Variants in TUT7 observed in about 807,000 individuals in gnomAD.
TUT7 encodes terminal uridylyltransferase 7.
TUT7 carries 33 observed loss-of-function variants against 165.9 expected under a neutral mutation model. That is an observed-to-expected ratio of 0.20 (90% CI 0.15 to 0.27). TUT7 has a LOEUF of 0.27. TUT7 is among the 10% of genes least tolerant of loss of function. The pLI, the probability that TUT7 is intolerant of heterozygous loss-of-function variation, is 1.00. For synonymous variants in TUT7, 552 were observed against 608.1 expected, an observed-to-expected ratio of 0.91 and a Z score of 1.36; for missense variants, 1,338 against 1,762.3, an observed-to-expected ratio of 0.76 and a Z score of 4.31.
chr9:86,337,362 A>C, intron 10 of TUT7, 57 bp downstream of exon 10: 1 of 1,559,192 alleles, frequency 6.4e-7, no homozygotes, highest in Non-Finnish European at 8.7e-7. Context: ...GCAAAATTTA[A>C]TTGTGGACCT....
In TUT7 at chr9:86,346,476, G is replaced by C. The variant is rs151232839; in HGVS notation, c.525C>G (p.Asn175Lys). Residue 175 changes from asparagine to lysine, a missense_variant, in exon 3 of 27, where the codon AAC becomes AAG. Coordinates refer to ENST00000375963, the MANE Select transcript of TUT7 (RefSeq NM_024617.4). ...TCCTAGGTCTGGACCTCTGCTTCTT[G>C]TTTTCTTAAGGTGGGGGAAAAATAT... ...TSEMEAGSPE[N>K]KKQRSRPRKP... 1.2e-6 allele frequency: 2 copies of C among 1,609,560 alleles called. No homozygotes were observed. The highest frequency in any genetic ancestry group is 1.7e-6 in the Non-Finnish European group (2 of 1,178,590).
intron 5 of TUT7, among the ~76,000 whole-genome samples, chr9:86,344,588 CTTT>C (rs11390352): frequency 2.1e-5 from 3 of 141,728 alleles, no homozygotes; most frequent in Non-Finnish European, 1.5e-5. Flanking sequence ...TAAATAAAAT[CTTT>C]TTTTTTTTTT....
intron 2 of TUT7, among the ~76,000 whole-genome samples, chr9:86,352,405 T>C (rs554668671): frequency 5.9e-5 from 9 of 152,350 alleles, no homozygotes; most frequent in African/African-American, 2.2e-4. Context: ...TACCCTCTTC[T>C]GTAAAAAACA....
At chr9:86,313,646 G>C (rs734519) in intron 17 of TUT7, among the ~76,000 whole-genome samples, 67,421 of 152,006 alleles carry the variant, frequency 0.44, 15,167 homozygotes, top group Middle Eastern at 0.6. Flanking sequence ...ACTGAACCTA[G>C]TGTGGGTCAG....
At position 86,353,200 on chromosome 9, in the gene TUT7, G is replaced by A. The variant is rs372059911; in HGVS notation, c.-1C>T. On this transcript the variant is annotated 5_prime_UTR_variant, in exon 2 of 27. Coordinates refer to ENST00000375963, the MANE Select transcript of TUT7 (RefSeq NM_024617.4). ...AATAAGGTTTTGCTGTATCTCCCAT[G>A]GTCTTTGACTTCAATTTTCTTACTT... The A allele has an allele frequency of 8.4e-6, 13 of 1,553,298 alleles. No individual in the cohort carries two copies. The highest frequency in any genetic ancestry group is 3.5e-4 in the Middle Eastern group (2 of 5,770).
At position 86,323,835 on chromosome 9, in the gene TUT7, T is replaced by C. The variant is rs150985653; in HGVS notation, c.1915A>G (p.Ser639Gly). 1.1e-5 allele frequency: 17 copies of C among 1,614,090 alleles called. No homozygotes were observed. In the African/African-American group the frequency reaches 2.1e-4, roughly 20 times the overall value. ...FALPHKITKS[S>G]LLKPLNAITC... ...ATTGCATTCAGAGGCTTTAGAAGGCTGGATTTTGTAATTTTGTGTGGAAGA... is the reference window on the plus strand; with the variant it reads ...ATTGCATTCAGAGGCTTTAGAAGGCCGGATTTTGTAATTTTGTGTGGAAGA... Residue 639 changes from serine to glycine, a missense_variant, in exon 13 of 27, where the codon AGC becomes GGC. Physicochemically the swap from Ser to Gly is moderately conservative, Grantham distance 56. This residue lies in a region of TUT7 where 425 missense variants were observed against 474.9 expected (regional missense o/e 0.89). Coordinates refer to ENST00000375963, the MANE Select transcript of TUT7 (RefSeq NM_024617.4).
chr9:86,350,541 G>C (rs1461978422), intron 2 of TUT7, among the ~76,000 whole-genome samples: 1 of 152,210 alleles, frequency 6.6e-6, no homozygotes, highest in Non-Finnish European at 1.5e-5. Flanking sequence ...CAGGTCCAGC[G>C]AGGCTGAGTT....
chr9:86,335,083 T>C (rs1019365168), intron 10 of TUT7, among the ~76,000 whole-genome samples: 5 of 152,208 alleles, frequency 3.3e-5, no homozygotes, highest in African/African-American at 1.2e-4. Flanking sequence ...AACTTGACTT[T>C]CTACTGAAGG....
At chr9:86,319,533 T>C (rs1829033837) in intron 15 of TUT7, 51 bp downstream of exon 15, 1 of 1,298,884 alleles carries the variant, frequency 7.7e-7, no homozygotes, top group African/African-American at 1.5e-5. Context: ...TGAACTGATT[T>C]GGAAAAAAGG....
At chr9:86,318,852 A>G (rs928731725) in intron 16 of TUT7, 106 bp downstream of exon 16, 7 of 783,798 alleles carry the variant, frequency 8.9e-6, no homozygotes, top group South Asian at 3.5e-5. Context: ...AGCACACTCT[A>G]TATGGTATGC....
intron 26 of TUT7, among the ~76,000 whole-genome samples, chr9:86,299,289 C>T (rs1261750450): frequency 2.0e-5 from 3 of 152,164 alleles, no homozygotes; most frequent in Non-Finnish European, 4.4e-5. Context: ...AAGAAATTAG[C>T]ACTTTTTGTT....
At position 86,323,008 on chromosome 9, in the gene TUT7, A is replaced by C; in HGVS notation, c.2742T>G (p.His914Gln). ...KYEDVKECGK[H>Q]VERALLVELN... Reference sequence around the variant, plus strand: ...GTTCCACTAGGAGAGCTCTTTCTACATGTTTTCCACATTCTTTCACGTCTT... The same window carrying C: ...GTTCCACTAGGAGAGCTCTTTCTACCTGTTTTCCACATTCTTTCACGTCTT... The change falls in exon 13 of 27, where the codon CAT (histidine) becomes CAG (glutamine). Residue 914 changes from histidine to glutamine, a missense_variant. Coordinates refer to ENST00000375963, the MANE Select transcript of TUT7 (RefSeq NM_024617.4). 3 of 1,614,046 alleles carry C rather than the reference A, an allele frequency of 1.9e-6. No homozygotes were observed. The highest frequency in any genetic ancestry group is 2.5e-6 in the Non-Finnish European group (3 of 1,179,990).
Sources: gnomAD v4.1 joint callset for allele counts (sites outside exome capture counted in the v4.1 genomes callset) on GRCh38, gnomAD v4.1.1 for gene constraint, gnomAD v4.1.1 regional missense constraint, MANE v1.5 for transcripts, NCBI Gene and HGNC (gene_info 2026-07-23, HGNC 2026-07-21) for gene names.